PTPRD: variants seen among roughly 807,000 people sequenced by gnomAD.
The protein encoded by PTPRD is protein tyrosine phosphatase receptor type D.
Under a neutral mutation model 214.5 loss-of-function variants are expected in PTPRD, and 34 were observed. The ratio of observed to expected loss-of-function variants is 0.16; its 90% confidence interval spans 0.12 to 0.21. PTPRD has a LOEUF of 0.21. Among genes scored for constraint, PTPRD ranks in the 10% least tolerant of loss-of-function variants. The probability of loss-of-function intolerance (pLI) is 1.00; values close to 1 mark genes in which losing one functional copy is unlikely to be tolerated. For missense variants in PTPRD, 2,545 were observed against 2,398.7 expected, an observed-to-expected ratio of 1.06 and a Z score of -1.27; for synonymous variants, 1,128 against 845.7, an observed-to-expected ratio of 1.33 and a Z score of -5.79.
chr9:10,077,823 G>A (rs1476267339), intron 3 of PTPRD, among the ~76,000 whole-genome samples: 1 of 143,020 alleles, frequency 7.0e-6, no homozygotes, highest in Admixed American at 7.1e-5. Flanking sequence ...CAAAGGACAT[G>A]ATCTCTCTTT....
At chr9:8,476,480 C>G (rs993079760) in intron 30 of PTPRD, among the ~76,000 whole-genome samples, 1 of 152,116 alleles carries the variant, frequency 6.6e-6, no homozygotes, top group Non-Finnish European at 1.5e-5. Context: ...ATTAAACTAT[C>G]GATCATTCTG....
intron 11 of PTPRD, among the ~76,000 whole-genome samples, chr9:8,814,890 G>A (rs987673157): frequency 1.3e-5 from 2 of 152,160 alleles, no homozygotes; most frequent in Non-Finnish European, 2.9e-5. Flanking sequence ...TATTTATAAT[G>A]TGCATTCACA....
intron 4 of PTPRD, among the ~76,000 whole-genome samples, chr9:9,991,856 ACACAC>A (rs2095943555): frequency 1.3e-5 from 2 of 150,804 alleles, no homozygotes; most frequent in South Asian, 2.1e-4. Flanking sequence ...ACACACACAC[ACACAC>A]ACACACACGA....
At chr9:10,276,983 C>T (rs1235442259) in intron 3 of PTPRD, among the ~76,000 whole-genome samples, 4 of 152,052 alleles carry the variant, frequency 2.6e-5, no homozygotes, top group Non-Finnish European at 5.9e-5. Flanking sequence ...GCCCTGGATA[C>T]CTCCCTCATG....
chr9:10,207,897 A>G (rs1000079118), intron 3 of PTPRD, among the ~76,000 whole-genome samples: 1 of 152,188 alleles, frequency 6.6e-6, no homozygotes, highest in Non-Finnish European at 1.5e-5. Flanking sequence ...TTTAAAAAGG[A>G]AAAAAGTAAT....
chr9:8,530,774 G>T (rs1486658595), intron 14 of PTPRD, among the ~76,000 whole-genome samples: 1 of 152,104 alleles, frequency 6.6e-6, no homozygotes, highest in Non-Finnish European at 1.5e-5. Flanking sequence ...AATGGCGAAA[G>T]AATGTAAGAT....
chr9:9,334,708 G>A (rs1324977668), intron 9 of PTPRD, among the ~76,000 whole-genome samples: 1 of 151,668 alleles, frequency 6.6e-6, no homozygotes, highest in Non-Finnish European at 1.5e-5. Context: ...CACATTGCCT[G>A]GTACACAGAA....
chr9:8,853,726 T>C (rs919821308), intron 11 of PTPRD, among the ~76,000 whole-genome samples: 2 of 152,246 alleles, frequency 1.3e-5, no homozygotes, highest in African/African-American at 4.8e-5. Flanking sequence ...ACAGAGAGAA[T>C]AACTCTTCTC....
At chr9:8,390,659 T>A (rs2135736378) in intron 36 of PTPRD, among the ~76,000 whole-genome samples, 1 of 152,320 alleles carries the variant, frequency 6.6e-6, no homozygotes, top group East Asian at 1.9e-4. Context: ...AGCAGAGATG[T>A]AATTTAATGT....
intron 5 of PTPRD, among the ~76,000 whole-genome samples, chr9:9,767,424 T>A (rs989774250): frequency 1.3e-5 from 2 of 152,020 alleles, no homozygotes; most frequent in African/African-American, 4.8e-5. Flanking sequence ...ACTTGAGTAC[T>A]TTAAACATCA....
rs572265272 is a variant in PTPRD at position 8,332,001 on chromosome 9, C to T, written c.5380-265G>A. ...AGTGCCCAGTTAAAAACCTGGTTCT[C>T]GTTAGTAGCCATCCACATAGTTCCC... On this transcript the variant is annotated intron_variant, in intron 43 of 45. Transcript: ENST00000381196. 2.6e-5 allele frequency among the ~76,000 whole-genome samples: 4 copies of T among 152,208 alleles called. No homozygotes were observed. The East Asian group carries it at 7.7e-4, about 29-fold the overall frequency.
chr9:9,023,961 T>C (rs2099578295), intron 10 of PTPRD, among the ~76,000 whole-genome samples: 1 of 152,072 alleles, frequency 6.6e-6, no homozygotes, highest in African/African-American at 2.4e-5. Flanking sequence ...AATCATCATT[T>C]TATACCTTTT....
chr9:10,611,912 C>G (rs982482960), intron 2 of PTPRD, among the ~76,000 whole-genome samples: 1 of 150,646 alleles, frequency 6.6e-6, no homozygotes, highest in Non-Finnish European at 1.5e-5. Flanking sequence ...TCCGCCCCCC[C>G]CCCCTTTTTT....
intron 5 of PTPRD, among the ~76,000 whole-genome samples, chr9:9,895,516 C>A (rs1223443099): frequency 6.6e-6 from 1 of 151,902 alleles, no homozygotes; most frequent in Non-Finnish European, 1.5e-5. Context: ...TATCAACTGT[C>A]ATGTGCACCA....
intron 9 of PTPRD, among the ~76,000 whole-genome samples, chr9:9,329,289 T>C (rs2041399992): frequency 6.6e-6 from 1 of 152,140 alleles, no homozygotes; most frequent in South Asian, 2.1e-4. Flanking sequence ...AACCAAAGTC[T>C]TTATTTGCAA....
chr9:10,036,273 C>T (rs573235351), intron 3 of PTPRD, among the ~76,000 whole-genome samples: 1 of 152,060 alleles, frequency 6.6e-6, no homozygotes, highest in Admixed American at 6.6e-5. Flanking sequence ...CTAAGACATA[C>T]AAATGGTAGA....
intron 6 of PTPRD, among the ~76,000 whole-genome samples, chr9:9,738,775 A>G (rs1490955158): frequency 6.6e-6 from 1 of 151,884 alleles, no homozygotes; most frequent in Non-Finnish European, 1.5e-5. Context: ...TTGTCTTTTT[A>G]TTGTTGAGTT....
intron 14 of PTPRD, among the ~76,000 whole-genome samples, chr9:8,557,652 G>T (rs991809861): frequency 6.8e-6 from 1 of 148,062 alleles, no homozygotes; most frequent in Non-Finnish European, 1.5e-5. Context: ...CTGAGGCAGG[G>T]GAATCGCTTG....
At chr9:10,119,427 G>C (rs1411400844) in intron 3 of PTPRD, among the ~76,000 whole-genome samples, 6 of 151,986 alleles carry the variant, frequency 3.9e-5, no homozygotes, top group Non-Finnish European at 8.8e-5. Context: ...CTAGAGTGTA[G>C]TACATCTGAC....
Sources: gnomAD v4.1 joint callset for allele counts (sites outside exome capture counted in the v4.1 genomes callset) on GRCh38, gnomAD v4.1.1 for gene constraint, MANE v1.5 for transcripts, NCBI Gene and HGNC (gene_info 2026-07-23, HGNC 2026-07-21) for gene names.